MACROD2: variants seen among roughly 807,000 people sequenced by gnomAD.
MACROD2 encodes the protein ADP-ribose glycohydrolase MACROD2.
A neutral mutation model predicts 70.4 loss-of-function variants in MACROD2; 36 were observed. The ratio of observed to expected loss-of-function variants is 0.51; its 90% CI spans 0.39 to 0.68. The LOEUF is 0.68. MACROD2 is among the 30% of genes least tolerant of loss of function. MACROD2 has a pLI of 0.00. For synonymous variants in MACROD2, 172 were observed against 178.8 expected, an observed-to-expected ratio of 0.96 and a Z score of 0.30; for missense variants, 496 against 538.4, an observed-to-expected ratio of 0.92 and a Z score of 0.78.
At chr20:16,014,682 T>C (rs1314759812) in intron 15 of MACROD2, among the ~76,000 whole-genome samples, 1 of 152,212 alleles carries the variant, frequency 6.6e-6, no homozygotes, top group Non-Finnish European at 1.5e-5. Context: ...CTCCCCAGCC[T>C]AAGCATCTGC....
At chr20:14,883,048 T>C (rs1600763724) in intron 5 of MACROD2, among the ~76,000 whole-genome samples, 1 of 152,274 alleles carries the variant, frequency 6.6e-6, no homozygotes, top group East Asian at 1.9e-4. Flanking sequence ...TCATGAGTAA[T>C]GATGGTAATA....
intron 5 of MACROD2, among the ~76,000 whole-genome samples, chr20:14,817,504 T>C (rs2072787456): frequency 6.6e-6 from 1 of 152,154 alleles, no homozygotes; most frequent in Non-Finnish European, 1.5e-5. Flanking sequence ...TTTAGAACTG[T>C]ATATTTTGCC....
intron 5 of MACROD2, among the ~76,000 whole-genome samples, chr20:14,832,658 T>C (rs2072984622): frequency 6.6e-6 from 1 of 152,190 alleles, no homozygotes; most frequent in African/African-American, 2.4e-5. Context: ...TTAATTGTTA[T>C]AATTATCTTT....
intron 12 of MACROD2, among the ~76,000 whole-genome samples, chr20:15,944,850 T>C (rs1314592155): frequency 6.6e-6 from 1 of 152,198 alleles, no homozygotes; most frequent in African/African-American, 2.4e-5. Context: ...AGACTATCTA[T>C]CATGCATCTC....
intron 5 of MACROD2, among the ~76,000 whole-genome samples, chr20:14,813,379 G>T (rs139292003): frequency 0.01 from 1,494 of 147,310 alleles, 29 homozygotes; most frequent in African/African-American, 0.035. Context: ...AGGCCCCAGT[G>T]TATGTTGTTT....
At chr20:15,211,450 T>C (rs1024816162) in intron 5 of MACROD2, among the ~76,000 whole-genome samples, 12 of 152,142 alleles carry the variant, frequency 7.9e-5, no homozygotes, top group African/African-American at 2.9e-4. Flanking sequence ...ATCCCCAATG[T>C]TGGAGGTGTG....
intron 4 of MACROD2, among the ~76,000 whole-genome samples, chr20:14,661,146 G>A (rs889662135): frequency 2.0e-5 from 3 of 151,872 alleles, no homozygotes; most frequent in Non-Finnish European, 1.5e-5. Flanking sequence ...TACAGGGGCT[G>A]AACTAATTTG....
In MACROD2 at chr20:14,326,373, T is replaced by G. The variant is rs36034779; in HGVS notation, c.272-167106T>G. On this transcript the variant is annotated intron_variant, in intron 3 of 17. Coordinates refer to ENST00000684519, the MANE Select transcript of MACROD2 (RefSeq NM_001351661.2). This position sits in a 1 kb window ranked among gnomAD's most constrained non-coding sequence, Gnocchi z 5.5. ...TGGTCACTGGAGCTGGCCACTGTCCTTGGGCAGGATACACTGTGTTGGGTA... is the reference window on the plus strand; with the variant it reads ...TGGTCACTGGAGCTGGCCACTGTCCGTGGGCAGGATACACTGTGTTGGGTA... 37,967 of 1,613,962 alleles carry G rather than the reference T, an allele frequency of 0.024. 587 individuals are homozygous for G. The highest frequency in any genetic ancestry group is 0.029 in the Non-Finnish European group (33,942 of 1,179,896).
chr20:14,536,737 T>C (rs2085371111), intron 4 of MACROD2, among the ~76,000 whole-genome samples: 1 of 152,032 alleles, frequency 6.6e-6, no homozygotes. Flanking sequence ...TCACTTTTGA[T>C]TGAAGGCAGA....
chr20:14,078,781 T>C (rs2053950582), intron 2 of MACROD2, among the ~76,000 whole-genome samples: 7 of 152,220 alleles, frequency 4.6e-5, no homozygotes, highest in Admixed American at 4.6e-4. Flanking sequence ...AAGGATTTTT[T>C]CTTTCACCTA....
At chr20:14,977,191 T>A (rs1886310) in intron 5 of MACROD2, among the ~76,000 whole-genome samples, 18,686 of 151,964 alleles carry the variant, frequency 0.12, 1,453 homozygotes, top group East Asian at 0.33. Context: ...TAAGAAAAAA[T>A]TGTAATCATA....
At chr20:15,544,403 A>C (rs2048000053) in intron 8 of MACROD2, among the ~76,000 whole-genome samples, 1 of 152,216 alleles carries the variant, frequency 6.6e-6, no homozygotes, top group African/African-American at 2.4e-5. Context: ...CACCTATTGA[A>C]CAGCTAGGAT....
At chr20:14,182,991 G>T (rs1390834091) in intron 3 of MACROD2, among the ~76,000 whole-genome samples, 5 of 150,382 alleles carry the variant, frequency 3.3e-5, no homozygotes, top group African/African-American at 1.2e-4. Flanking sequence ...TTAACTTTAA[G>T]TTCAGTGGTG....
At chr20:14,854,558 T>A (rs187460767) in intron 5 of MACROD2, among the ~76,000 whole-genome samples, 12 of 152,290 alleles carry the variant, frequency 7.9e-5, no homozygotes, top group Middle Eastern at 3.4e-3. Flanking sequence ...TATGTCTTGA[T>A]GTAATGCAAA....
At chr20:15,539,757 G>C (rs1207699031) in intron 8 of MACROD2, among the ~76,000 whole-genome samples, 2 of 152,218 alleles carry the variant, frequency 1.3e-5, no homozygotes, top group African/African-American at 4.8e-5. Context: ...GGAGGCCAAG[G>C]CAGGTGGATC....
At chr20:15,073,466 A>AACAC (rs11468103) in intron 5 of MACROD2, among the ~76,000 whole-genome samples, 6,097 of 143,984 alleles carry the variant, frequency 0.042, 211 homozygotes, top group East Asian at 0.12. Context: ...TAATTCTCCC[A>AACAC]ACACACACAC....
chr20:14,800,585 G>A (rs894390229), intron 5 of MACROD2, among the ~76,000 whole-genome samples: 11 of 152,066 alleles, frequency 7.2e-5, no homozygotes, highest in Non-Finnish European at 1.2e-4. Context: ...TTTCTTATAT[G>A]TAAGCGTTCC....
chr20:14,065,968 G>A (rs932194332), intron 2 of MACROD2, among the ~76,000 whole-genome samples: 4 of 152,158 alleles, frequency 2.6e-5, no homozygotes, highest in Admixed American at 6.5e-5. Context: ...CCTTGGGCAA[G>A]CAACATAACC....
intron 4 of MACROD2, among the ~76,000 whole-genome samples, chr20:14,613,065 A>G (rs1436893562): frequency 7.9e-5 from 12 of 152,056 alleles, no homozygotes; most frequent in Admixed American, 7.9e-4. Context: ...CGCATTAGAG[A>G]CCTAGGAAAT....
Sources: allele counts gnomAD v4.1 joint callset (sites outside exome capture counted in the v4.1 genomes callset), GRCh38; gene constraint gnomAD v4.1.1; non-coding constraint Gnocchi (gnomAD v3.1); transcripts MANE v1.5; gene names NCBI Gene and HGNC (gene_info 2026-07-23, HGNC 2026-07-21).